C1orf159: variants seen among roughly 807,000 people sequenced by gnomAD.
C1orf159 encodes the protein uncharacterized protein C1orf159.
A neutral mutation model predicts 25.6 loss-of-function variants in C1orf159; 19 were observed. That is an observed-to-expected ratio of 0.74 (90% confidence interval 0.52 to 1.09). C1orf159 has a LOEUF of 1.09. Among genes scored for constraint, C1orf159 ranks in the 50% least tolerant of loss-of-function variants. C1orf159 has a pLI of 0.00. For synonymous variants in C1orf159, 139 were observed against 124.7 expected (o/e 1.12, Z -0.77); for missense variants, 274 against 290.6 (o/e 0.94, Z 0.42).
chr1:1,084,591 G>A (rs1557745034), intron 7 of C1orf159, 85 bp from the exon 8 acceptor site: 15 of 1,513,808 alleles, frequency 9.9e-6, no homozygotes, highest in East Asian at 9.8e-5. Flanking sequence ...ACAGCAGAGC[G>A]AGGAGCTGCC....
At chr1:1,101,904 T>TACAAAATTACTACTA (rs1646105316) in intron 1 of C1orf159, among the ~76,000 whole-genome samples, 1 of 151,648 alleles carries the variant, frequency 6.6e-6, no homozygotes, top group South Asian at 2.1e-4. Flanking sequence ...AAACCCCGTA[T>TACAAAATTACTACTA]CTACTAAAAA....
intron 1 of C1orf159, among the ~76,000 whole-genome samples, chr1:1,099,475 A>T (rs200680230): frequency 1.7e-4 from 15 of 90,166 alleles, no homozygotes; most frequent in African/African-American, 1.1e-3. Flanking sequence ...TAAGAATTGC[A>T]GAGAGAGAGG....
chr1:1,110,315 A>T lies in C1orf159; in HGVS notation c.-136+5745T>A, dbSNP rs750884775. 2.2e-4 allele frequency among the ~76,000 whole-genome samples: 34 copies of T among 152,338 alleles called. No individual in the cohort carries two copies. The highest frequency in any genetic ancestry group is 4.4e-4 in the Non-Finnish European group (30 of 68,040). ...CCCTTGACCAAGAGGGAGCTCGTTC[A>T]GTCGGCGGGGGACTTAGGATTTTAT... On this transcript the variant is annotated intron_variant, in intron 1 of 9. Coordinates refer to ENST00000421241, the MANE Select transcript of C1orf159 (RefSeq NM_017891.5). This position sits in a 1 kb window ranked among gnomAD's most constrained non-coding sequence, Gnocchi z 4.8.
chr1:1,104,799 G>C (rs947027576), intron 1 of C1orf159, among the ~76,000 whole-genome samples: 1 of 151,836 alleles, frequency 6.6e-6, no homozygotes, highest in Non-Finnish European at 1.5e-5. Flanking sequence ...GGGCAACAGA[G>C]CGAGGCCCTG....
intron 4 of C1orf159, 137 bp downstream of exon 4, chr1:1,090,216 C>T (rs1311610849): frequency 1.0e-5 from 9 of 889,674 alleles, no homozygotes; most frequent in African/African-American, 8.3e-5. Flanking sequence ...GCTCCACAGC[C>T]CTCACTGCCC....
rs1451341003 is a variant in C1orf159 at position 1,110,776 on chromosome 1, C to T, written c.-136+5284G>A. On this transcript the variant is annotated intron_variant, in intron 1 of 9. Coordinates refer to ENST00000421241, the MANE Select transcript of C1orf159 (RefSeq NM_017891.5). This position sits in a 1 kb window ranked among gnomAD's most constrained non-coding sequence, Gnocchi z 4.8. ...CGGGCGCCCTCAGAGACGACGAGCA[C>T]GCAACAGCGCATCCCACACCCACTC... Among the ~76,000 whole-genome samples, 8 of 152,200 alleles carry T rather than the reference C, an allele frequency of 5.3e-5. No individual in the cohort carries two copies. Among genetic ancestry groups the T allele is most frequent in the Admixed American group, 2.6e-4 (4 of 15,264 alleles).
intron 1 of C1orf159, among the ~76,000 whole-genome samples, chr1:1,114,598 A>T (rs1308852752): frequency 3.9e-5 from 6 of 152,252 alleles, no homozygotes; most frequent in Middle Eastern, 3.4e-3. Flanking sequence ...TTTTAGGAGG[A>T]GTACTGGGGG....
chr1:1,084,971 C>A (rs1025656611), intron 7 of C1orf159, among the ~76,000 whole-genome samples: 2 of 152,278 alleles, frequency 1.3e-5, no homozygotes, highest in Non-Finnish European at 2.9e-5. Flanking sequence ...GGCATCGTGG[C>A]CAACCTGGCT....
At position 1,087,375 on chromosome 1, in the gene C1orf159, G is replaced by A. The variant is rs1645848492; in HGVS notation, c.244+127C>T. ...GGCCCAGCAGACTCGGGAAGAGGGG[G>A]CTCCCGGGGCTGTTCCCCAGTGGAC... On this transcript the variant is annotated intron_variant, in intron 5 of 9. Coordinates refer to ENST00000421241, the MANE Select transcript of C1orf159 (RefSeq NM_017891.5). This position sits in a 1 kb window ranked among gnomAD's most constrained non-coding sequence, Gnocchi z 8.3. 8.6e-7 allele frequency: 1 copy of A among 1,162,816 alleles called. No individual in the cohort carries two copies. The highest frequency in any genetic ancestry group is 1.2e-6 in the Non-Finnish European group (1 of 837,518). 72.0% of individuals were successfully genotyped at this position (1,162,816 alleles called of 1,614,324 possible).
rs1557748751 is a variant in C1orf159 at position 1,089,374 on chromosome 1, C to T, written c.148+979G>A. Among the ~76,000 whole-genome samples the T allele has an allele frequency of 6.6e-6, 1 of 152,152 alleles. No individual in the cohort carries two copies. Among genetic ancestry groups the T allele is most frequent in the Non-Finnish European group, 1.5e-5 (1 of 68,004 alleles). On this transcript the variant is annotated intron_variant, in intron 4 of 9. Transcript: ENST00000421241. This position sits in a 1 kb window ranked among gnomAD's most constrained non-coding sequence, Gnocchi z 7.5. ...CATGGGGTGCCAGGGGAGTGGTTCT[C>T]ACCCAGCCACCAGGGCTTCAGCATC...
rs945250796 is a variant in C1orf159 at position 1,087,802 on chromosome 1, C to A, written c.149-205G>T. On this transcript the variant is annotated intron_variant, in intron 4 of 9. Transcript: ENST00000421241. The surrounding 1 kb of genome is among the most constrained non-coding windows in gnomAD (Gnocchi z 8.3). ...ACCCCACGCTGAGTACTCCACACTG[C>A]GCACCCTGACCCTGAGTACTCCGAC... Among the ~76,000 whole-genome samples, 1 of 151,796 alleles carries A rather than the reference C, an allele frequency of 6.6e-6. No homozygotes were observed. Among genetic ancestry groups the A allele is most frequent in the African/African-American group, 2.4e-5 (1 of 41,272 alleles).
rs748680811 is a variant in C1orf159 at position 1,091,519 on chromosome 1, G to C, written c.25C>G (p.Leu9Val). ...GCGACTCCCACGAGAAGGCCAGCCA[G>C]GAGGGCGAGGTGCCGCAGCGCCATG... MALRHLAL[L>V]AGLLVGVASK... The change falls in exon 3 of 10, where the codon CTG becomes GTG. Residue 9 changes from leucine to valine, a missense_variant. Transcript: ENST00000421241. The C allele has an allele frequency of 1.9e-6, 3 of 1,550,132 alleles. No homozygotes were observed. Among genetic ancestry groups the C allele is most frequent in the South Asian group, 2.4e-5 (2 of 84,036 alleles).
chr1:1,108,607 T>TGTCTCAGCAGCACCGTC (rs1646212262), intron 1 of C1orf159, among the ~76,000 whole-genome samples: 1 of 50,808 alleles, frequency 2.0e-5, no homozygotes. Context: ...TCGGCACCGT[T>TGTCTCAGCAGCACCGTC]CACCACAGCC....
chr1:1,114,098 T>G (rs896959699), intron 1 of C1orf159, among the ~76,000 whole-genome samples: 12 of 151,992 alleles, frequency 7.9e-5, no homozygotes, highest in Non-Finnish European at 1.3e-4. Context: ...TGTATTTTTA[T>G]CAGAGACGGG....
chr1:1,091,782 CG>C (rs1222203074), intron 2 of C1orf159: 1 of 8,408 alleles, frequency 1.2e-4, no homozygotes, highest in African/African-American at 8.4e-4. Flanking sequence ...TGGAAGTGGG[CG>C]GGGCTGTGGC....
chr1:1,113,518 G>C (rs1019390198), intron 1 of C1orf159, among the ~76,000 whole-genome samples: 1 of 151,982 alleles, frequency 6.6e-6, no homozygotes, highest in African/African-American at 2.4e-5. Context: ...TCAGTCCCTC[G>C]AGTAGCTGGG....
At chr1:1,107,974 A>T (rs1051774132) in intron 1 of C1orf159, among the ~76,000 whole-genome samples, 1 of 152,232 alleles carries the variant, frequency 6.6e-6, no homozygotes, top group Non-Finnish European at 1.5e-5. Flanking sequence ...AAGAACTGTA[A>T]CACTCACTGC....
intron 1 of C1orf159, among the ~76,000 whole-genome samples, chr1:1,107,929 C>T (rs1486010391): frequency 6.6e-6 from 1 of 152,226 alleles, no homozygotes; most frequent in Non-Finnish European, 1.5e-5. Context: ...CACATCTGAA[C>T]ATCAGAAGGA....
chr1:1,097,956 A>T (rs952011079), intron 1 of C1orf159, among the ~76,000 whole-genome samples: 9 of 151,964 alleles, frequency 5.9e-5, no homozygotes, highest in African/African-American at 2.2e-4. Flanking sequence ...ACACGCACTT[A>T]GTTACAGAGT....
Sources: gnomAD v4.1 joint callset for allele counts (sites outside exome capture counted in the v4.1 genomes callset) on GRCh38, gnomAD v4.1.1 for gene constraint, Gnocchi (gnomAD v3.1) non-coding constraint, MANE v1.5 for transcripts, NCBI Gene and HGNC (gene_info 2026-07-23, HGNC 2026-07-21) for gene names.